Variants in KCTD21 observed in about 807,000 individuals in gnomAD.
KCTD21 encodes the protein potassium channel tetramerization domain containing 21, also known as BTB/POZ domain-containing protein KCTD21.
A neutral mutation model predicts 13.2 loss-of-function variants in KCTD21; 9 were observed. That is an observed-to-expected ratio of 0.68 (90% CI 0.41 to 1.19). The LOEUF (loss-of-function observed/expected upper bound fraction) is 1.19, where lower values mean the gene tolerates loss of function less well. Ranked by LOEUF, KCTD21 falls within the 50% of genes most tolerant of loss-of-function variation. KCTD21 has a pLI of 0.01. For synonymous variants in KCTD21, 142 were observed against 137.4 expected (o/e 1.03, Z -0.23); for missense variants, 303 against 336.5 (o/e 0.90, Z 0.78).
At chr11:78,180,124 T>C (rs1382143540) in intron 1 of KCTD21, among the ~76,000 whole-genome samples, 3 of 152,204 alleles carry the variant, frequency 2.0e-5, no homozygotes, top group African/African-American at 7.2e-5. Context: ...GGAGAAAATC[T>C]TTGCAACTGT....
intron 1 of KCTD21, among the ~76,000 whole-genome samples, chr11:78,183,639 C>CTT (rs201919205): frequency 9.2e-5 from 13 of 141,974 alleles, no homozygotes; most frequent in Admixed American, 5.0e-4. Context: ...AAAATTAATT[C>CTT]TTTTTTTTTT....
intron 1 of KCTD21, among the ~76,000 whole-genome samples, chr11:78,179,354 G>C (rs1862551421): frequency 6.6e-6 from 1 of 151,834 alleles, no homozygotes; most frequent in Admixed American, 6.6e-5. Flanking sequence ...CCAAGGACCT[G>C]GAAAATTCCT....
At chr11:78,184,556 C>T (rs975639158) in intron 1 of KCTD21, among the ~76,000 whole-genome samples, 2 of 151,666 alleles carry the variant, frequency 1.3e-5, no homozygotes, top group African/African-American at 2.4e-5. Context: ...AGGCTGGTCT[C>T]GAACTCCTGA....
chr11:78,186,853 AACTTT>A (rs1862791388), intron 1 of KCTD21: 4 of 985,426 alleles, frequency 4.1e-6, no homozygotes, highest in Non-Finnish European at 4.8e-6. Flanking sequence ...TACCACAGCC[AACTTT>A]ACTTAAGTAG....
At chr11:78,180,221 C>A (rs1361842736) in intron 1 of KCTD21, among the ~76,000 whole-genome samples, 2 of 152,202 alleles carry the variant, frequency 1.3e-5, no homozygotes, top group African/African-American at 2.4e-5. Flanking sequence ...ACGTAAAAAA[C>A]TTCTGCTCTT....
intron 1 of KCTD21, among the ~76,000 whole-genome samples, chr11:78,184,313 A>C (rs1279447866): frequency 2.0e-5 from 3 of 152,192 alleles, no homozygotes; most frequent in Non-Finnish European, 4.4e-5. Flanking sequence ...AACATATTTA[A>C]ATAGGTGGAG....
chr11:78,183,392 T>C (rs913942487), intron 1 of KCTD21, among the ~76,000 whole-genome samples: 4 of 151,662 alleles, frequency 2.6e-5, no homozygotes, highest in Non-Finnish European at 5.9e-5. Flanking sequence ...AAAAAATAGC[T>C]GGGCGGGGTG....
chr11:78,183,319 T>C (rs930711478), intron 1 of KCTD21, among the ~76,000 whole-genome samples: 1 of 152,232 alleles, frequency 6.6e-6, no homozygotes, highest in Non-Finnish European at 1.5e-5. Flanking sequence ...GCGGATCACC[T>C]GAGGTCTGGA....
rs1243534915 is a variant in KCTD21 at position 78,173,781 on chromosome 11, C to A, written c.774G>T (p.Arg258=). The change falls in exon 2 of 2, where the codon CGG becomes CGT. Residue 258 remains arginine (R), a synonymous_variant. Transcript: ENST00000340067. ...FMNNKIIRLI[R]YR ...TGTTGTTGGGGTCCTTTTACCTGTA[C>A]CGTATTAATCGAATAATCTTATTGT... 2 of 1,610,764 alleles carry A rather than the reference C, an allele frequency of 1.2e-6. No homozygotes were observed. The highest frequency in any genetic ancestry group is 2.2e-5 in the South Asian group (2 of 90,790).
In KCTD21 at chr11:78,173,810, T is replaced by G; in HGVS notation, c.745A>C (p.Met249Leu). 6.2e-7 allele frequency: 1 copy of G among 1,614,124 alleles called. No homozygotes were observed. Among genetic ancestry groups the G allele is most frequent in the Non-Finnish European group, 8.5e-7 (1 of 1,179,972 alleles). The change falls in exon 2 of 2, where the codon ATG becomes CTG. Residue 249 changes from methionine to leucine, a missense_variant. By Grantham distance (15) the Met-to-Leu change is conservative (BLOSUM62 2). Transcript: ENST00000340067. Reference protein sequence around the residue: ...DSSHPHALDFMNNKIIRLIRY... With the variant: ...DSSHPHALDFLNNKIIRLIRY... ...ATTAATCGAATAATCTTATTGTTCA[T>G]AAAATCCAGAGCATGTGGGTGAGAA...
At position 78,174,460 on chromosome 11, in the gene KCTD21, A is replaced by G. The variant is rs1194046979; in HGVS notation, c.95T>C (p.Met32Thr). The G allele has an allele frequency of 3.7e-6, 6 of 1,614,058 alleles. No homozygotes were observed. The South Asian group carries it at 4.4e-5, about 12-fold the overall frequency. Reference protein sequence around the residue: ...TSFPDSMLGAMFSGKMPTKRD... With the variant: ...TSFPDSMLGATFSGKMPTKRD... ...CTTGGTGGGCATCTTCCCGCTGAAC[A>G]TGGCGCCTAGCATGGAGTCAGGGAA... The change falls in exon 2 of 2, where the codon ATG (methionine) becomes ACG (threonine). Residue 32 changes from methionine (M) to threonine (T), a missense_variant. Coordinates refer to ENST00000340067, the MANE Select transcript of KCTD21 (RefSeq NM_001029859.3).
intron 1 of KCTD21, among the ~76,000 whole-genome samples, chr11:78,183,507 G>C (rs181480740): frequency 6.6e-6 from 1 of 151,670 alleles, no homozygotes; most frequent in Non-Finnish European, 1.5e-5. Flanking sequence ...CTGCACACCA[G>C]CCAGGGCAAC....
rs935181734 is a variant in KCTD21 at position 78,186,755 on chromosome 11, G to T, written c.-30+1818C>A. 1.1e-4 allele frequency: 108 copies of T among 985,488 alleles called. No homozygotes were observed. The African/African-American group carries it at 1.8e-3, about 16-fold the overall frequency. The allele number at this position is 985,488 out of a possible 1,614,324, so 61.0% of individuals were successfully genotyped here. On this transcript the variant is annotated intron_variant, in intron 1 of 1. Coordinates refer to ENST00000340067, the MANE Select transcript of KCTD21 (RefSeq NM_001029859.3). ...CTGCCATCCCCTCTGCCTGGACCTT[G>T]AAGACAAATCCCATGCATCGGCCAG...
In KCTD21 at chr11:78,174,330, C is replaced by G. The variant is rs1862380509; in HGVS notation, c.225G>C (p.Gln75His). ...CCTCCCTGCGGAGCAGCCCCATCTCCTGGAAGTCCTCAGGCAGGTCAAGGT... is the reference window on the plus strand; with the variant it reads ...CCTCCCTGCGGAGCAGCCCCATCTCGTGGAAGTCCTCAGGCAGGTCAAGGT... Reference protein sequence around the residue: ...TSHLDLPEDFQEMGLLRREAD... With the variant: ...TSHLDLPEDFHEMGLLRREAD... The change falls in exon 2 of 2, where the codon CAG becomes CAC. Residue 75 changes from glutamine (Q) to histidine (H), a missense_variant. By Grantham distance (24) the Gln-to-His change is conservative. Coordinates refer to ENST00000340067, the MANE Select transcript of KCTD21 (RefSeq NM_001029859.3). The G allele has an allele frequency of 6.2e-7, 1 of 1,613,990 alleles. No individual in the cohort carries two copies. Among genetic ancestry groups the G allele is most frequent in the African/African-American group, 1.3e-5 (1 of 74,902 alleles).
At chr11:78,186,854 A>C (rs1270045366) in intron 1 of KCTD21, 1 of 985,282 alleles carries the variant, frequency 1.0e-6, no homozygotes. Context: ...ACCACAGCCA[A>C]CTTTACTTAA....
At chr11:78,179,904 T>C (rs1360318937) in intron 1 of KCTD21, among the ~76,000 whole-genome samples, 5 of 152,188 alleles carry the variant, frequency 3.3e-5, no homozygotes, top group Admixed American at 2.6e-4. Context: ...CCTGGTGCCT[T>C]GCACAACCCC....
intron 1 of KCTD21, among the ~76,000 whole-genome samples, chr11:78,186,144 G>A (rs897055719): frequency 2.0e-5 from 3 of 151,568 alleles, no homozygotes; most frequent in African/African-American, 7.3e-5. Flanking sequence ...GGAAGGCCCA[G>A]GTGGGAGGAT....
At chr11:78,182,306 CCCT>C (rs1164243288) in intron 1 of KCTD21, among the ~76,000 whole-genome samples, 141 of 106,696 alleles carry the variant, frequency 1.3e-3, no homozygotes, top group African/African-American at 2.4e-3. Flanking sequence ...CACCCCCCCC[CCCT>C]CAAAATTAAT....
chr11:78,187,081 G>A (rs1490712864), intron 1 of KCTD21: 1 of 985,296 alleles, frequency 1.0e-6, no homozygotes, highest in South Asian at 4.7e-5. Context: ...GATTACTTGG[G>A]AGTAAATGCA....
Sources: gnomAD v4.1 joint callset for allele counts (sites outside exome capture counted in the v4.1 genomes callset) on GRCh38, gnomAD v4.1.1 for gene constraint, MANE v1.5 for transcripts, NCBI Gene and HGNC (gene_info 2026-07-23, HGNC 2026-07-21) for gene names.